ZXDC: variants seen among roughly 807,000 people sequenced by gnomAD.
ZXDC encodes the protein zinc finger protein ZXDC.
Under a neutral mutation model 63.6 loss-of-function variants are expected in ZXDC, and 58 were observed. That is an observed-to-expected ratio of 0.91 (90% CI 0.74 to 1.13). The LOEUF is 1.13. ZXDC is among the 50% of genes most tolerant of loss of function. The pLI, the probability that ZXDC is intolerant of heterozygous loss-of-function variation, is 0.00. For synonymous variants in ZXDC, 561 were observed against 496.1 expected (o/e 1.13, Z -1.74); for missense variants, 1,133 against 1,148.9 (o/e 0.99, Z 0.20).
At chr3:126,474,062 CTTTTTTT>C (rs796761643) in intron 1 of ZXDC, among the ~76,000 whole-genome samples, 7 of 129,912 alleles carry the variant, frequency 5.4e-5, no homozygotes, top group Admixed American at 3.1e-4. Context: ...AGGCAGTGGA[CTTTTTTT>C]TTTTTTTTTT....
Position 126,475,887 on chromosome 3 carries a change from G to A in ZXDC, c.-22C>T. Reference sequence around the variant, plus strand: ...CCATCTTGGTCCCAGCGACGGCGTCGGAGCAGCTTCGGACGCAGAGCTGCC... The same window carrying A: ...CCATCTTGGTCCCAGCGACGGCGTCAGAGCAGCTTCGGACGCAGAGCTGCC... On this transcript the variant is annotated 5_prime_UTR_variant, in exon 1 of 10. Transcript: ENST00000389709. The A allele has an allele frequency of 1.9e-6, 2 of 1,073,928 alleles. No individual in the cohort carries two copies. Among genetic ancestry groups the A allele is most frequent in the Non-Finnish European group, 1.1e-6 (1 of 887,614 alleles). The allele number at this position is 1,073,928 out of a possible 1,614,324, so 66.5% of individuals were successfully genotyped here.
intron 7 of ZXDC, chr3:126,453,952 C>G (rs1934209158): frequency 1.0e-6 from 1 of 980,760 alleles, no homozygotes; most frequent in Non-Finnish European, 1.2e-6. Flanking sequence ...GATCAGAAAA[C>G]ATAGTACTGC....
At chr3:126,459,883 A>G (rs1008834026) in intron 6 of ZXDC, 146 bp from the exon 7 acceptor site, 6 of 1,535,926 alleles carry the variant, frequency 3.9e-6, no homozygotes, top group Middle Eastern at 2.0e-4. Flanking sequence ...AAAGGGCCAA[A>G]CGCTACATCC....
In ZXDC at chr3:126,475,625, C is replaced by T. The variant is rs779817783; in HGVS notation, c.241G>A (p.Val81Met). 4 of 1,476,520 alleles carry T rather than the reference C, an allele frequency of 2.7e-6. No homozygotes were observed. The highest frequency in any genetic ancestry group is 2.9e-5 in the East Asian group (1 of 34,812). The allele number at this position is 1,476,520 out of a possible 1,614,324, so 91.5% of individuals were successfully genotyped here. ...DGDSFLVLLE[V>M]PHGGAAAEAA... ...TCGGCGGCAGCGCCGCCGTGCGGCA[C>T]TTCCAGCAGCACCAAGAAAGAGTCG... is the stretch of plus-strand genomic sequence containing the variant. The change falls in exon 1 of 10, where the codon GTG becomes ATG. Residue 81 changes from valine to methionine, a missense_variant. Coordinates refer to ENST00000389709, the MANE Select transcript of ZXDC (RefSeq NM_025112.5).
chr3:126,441,175 C>T (rs1933660691), intron 8 of ZXDC: 1 of 985,722 alleles, frequency 1.0e-6, no homozygotes. Flanking sequence ...TGCTCAAAGA[C>T]CTCCTGGAAA....
At chr3:126,458,472 A>G (rs1934398123) in intron 7 of ZXDC, 1 of 457,226 alleles carries the variant, frequency 2.2e-6, no homozygotes, top group African/African-American at 2.1e-5. Context: ...TCCTGACCTC[A>G]GGTGATCCAC....
At chr3:126,439,551 C>T in intron 9 of ZXDC, 81 bp downstream of exon 9, 1 of 1,549,168 alleles carries the variant, frequency 6.5e-7, no homozygotes, top group Non-Finnish European at 8.7e-7. Context: ...GACCAGCCTG[C>T]AGCTGTGAAG....
At chr3:126,453,192 A>G (rs1934176063) in intron 7 of ZXDC, 1 of 985,324 alleles carries the variant, frequency 1.0e-6, no homozygotes, top group African/African-American at 1.7e-5. Context: ...TTTTGTTGCA[A>G]GTATTCTAAC....
At position 126,441,797 on chromosome 3, in the gene ZXDC, C is replaced by T. The variant is rs766455575; in HGVS notation, c.2362G>A (p.Gly788Arg). 18 of 1,611,078 alleles carry T rather than the reference C, an allele frequency of 1.1e-5. No individual in the cohort carries two copies. The East Asian group carries it at 1.8e-4, about 16-fold the overall frequency. ...AGCTGGACCTGGACGCCCTGCGCCC[C>T]GCACTGCACCCCAGCTGCTGGAGCT... ...GPAPAAGVQCGAQGVQVQLVQ... is the reference protein window; with the variant it reads ...GPAPAAGVQCRAQGVQVQLVQ... Residue 788 changes from glycine to arginine, a missense_variant, in exon 8 of 10, where the codon GGG becomes AGG. Physicochemically the swap from Gly to Arg is moderately radical, Grantham distance 125. Transcript: ENST00000389709.
At chr3:126,472,788 C>G (rs776101504) in intron 1 of ZXDC, among the ~76,000 whole-genome samples, 5 of 152,210 alleles carry the variant, frequency 3.3e-5, no homozygotes, top group Non-Finnish European at 4.4e-5. Flanking sequence ...CTGACACCCT[C>G]CAACTGCCAG....
Position 126,462,115 on chromosome 3 carries a change from G to C in ZXDC, c.1547C>G (p.Ser516Cys). ...ACCACTAGCATTGGCAGGTGTGTCA[G>C]AGAAGAGTGCAGCAAGATCCATGTT... ...LTNMDLAALF[S>C]DTPANASGSA... Residue 516 changes from serine to cysteine, a missense_variant, in exon 6 of 10, where the codon TCT becomes TGT. By Grantham distance (112) the Ser-to-Cys change is moderately radical. Coordinates refer to ENST00000389709, the MANE Select transcript of ZXDC (RefSeq NM_025112.5). 1.2e-6 allele frequency: 2 copies of C among 1,614,034 alleles called. No homozygotes were observed. Among genetic ancestry groups the C allele is most frequent in the Non-Finnish European group, 1.7e-6 (2 of 1,180,038 alleles).
intron 7 of ZXDC, among the ~76,000 whole-genome samples, chr3:126,449,691 G>A (rs1934019780): frequency 6.6e-6 from 1 of 152,194 alleles, no homozygotes; most frequent in Non-Finnish European, 1.5e-5. Context: ...TGACGGCCAG[G>A]AGTCAAGGGA....
At chr3:126,446,663 G>A (rs1270128364) in intron 7 of ZXDC, among the ~76,000 whole-genome samples, 1 of 152,174 alleles carries the variant, frequency 6.6e-6, no homozygotes, top group Non-Finnish European at 1.5e-5. Flanking sequence ...TTCTCCCAAG[G>A]GTGGAAGATC....
In ZXDC at chr3:126,438,094, A is replaced by G; in HGVS notation, c.*281T>C. 1 of 507,768 alleles carries G rather than the reference A, an allele frequency of 2.0e-6. No individual in the cohort carries two copies. Among genetic ancestry groups the G allele is most frequent in the South Asian group, 2.1e-5 (1 of 47,312 alleles). 31.5% of individuals were successfully genotyped at this position (507,768 alleles called of 1,614,324 possible). A position where few individuals can be genotyped will look rare whatever the true frequency, so the allele number is the denominator to read the frequency against. On this transcript the variant is annotated 3_prime_UTR_variant, in exon 10 of 10. Transcript: ENST00000389709. ...TGCTACACAGCTCAGATCCAACGGG[A>G]CACGGGGAAAGAGGCTGTAGTGCAC...
intron 7 of ZXDC, chr3:126,453,001 GT>G: frequency 4.1e-6 from 4 of 984,852 alleles, no homozygotes; most frequent in Non-Finnish European, 4.8e-6. Context: ...GCCTCCCACA[GT>G]GCTGGGATTA....
In ZXDC at chr3:126,458,669, T is replaced by C. The variant is rs1934403892; in HGVS notation, c.2212+984A>G. 4 of 985,432 alleles carry C rather than the reference T, an allele frequency of 4.1e-6. No homozygotes were observed. The South Asian group carries it at 1.9e-4, about 46-fold the overall frequency. The allele number at this position is 985,432 out of a possible 1,614,324, so 61.0% of individuals were successfully genotyped here. On this transcript the variant is annotated intron_variant, in intron 7 of 9. Coordinates refer to ENST00000389709, the MANE Select transcript of ZXDC (RefSeq NM_025112.5). Reference sequence around the variant, plus strand: ...CACGTGTTATATACTTGAATGTTTGTCTCTTTTTTCTTCAAGATTATCTAC... The same window carrying C: ...CACGTGTTATATACTTGAATGTTTGCCTCTTTTTTCTTCAAGATTATCTAC...
At chr3:126,452,734 T>C (rs1934152742) in intron 7 of ZXDC, among the ~76,000 whole-genome samples, 1 of 145,520 alleles carries the variant, frequency 6.9e-6, no homozygotes, top group South Asian at 2.3e-4. Context: ...GTCACCAATC[T>C]GCAGTTTTTC....
rs1934969330 is a variant in ZXDC, at chr3:126,471,268, CAATCTAATATAAGCT to C, written c.1140-258_1140-244del. ...ACACATCAAACAATTAATGCTACTT[CAATCTAATATAAGCT>C]AATCTAAGAACAGTGGAGTCCCAAA... On this transcript the variant is annotated intron_variant, in intron 3 of 9. Transcript: ENST00000389709. Among the ~76,000 whole-genome samples, 3 of 152,188 alleles carry C rather than the reference CAATCTAATATAAGCT, an allele frequency of 2.0e-5. No individual in the cohort carries two copies. In the South Asian group the frequency reaches 6.2e-4, roughly 32 times the overall value.
chr3:126,451,453 G>C, intron 7 of ZXDC: 2 of 985,380 alleles, frequency 2.0e-6, no homozygotes, highest in South Asian at 9.4e-5. Flanking sequence ...ATTTCCTTGA[G>C]ATAAATTCAA....
Sources: gnomAD v4.1 joint callset for allele counts (sites outside exome capture counted in the v4.1 genomes callset) on GRCh38, gnomAD v4.1.1 for gene constraint, MANE v1.5 for transcripts, NCBI Gene and HGNC (gene_info 2026-07-23, HGNC 2026-07-21) for gene names.